KDM4B: variants seen among roughly 807,000 people sequenced by gnomAD.
The protein encoded by KDM4B is lysine demethylase 4B.
KDM4B carries 32 observed loss-of-function variants against 125.2 expected under a neutral mutation model. That is an observed-to-expected ratio of 0.26 (90% CI 0.19 to 0.34). KDM4B has a LOEUF of 0.34. Ranked by LOEUF, KDM4B falls within the 10% of genes least tolerant of loss-of-function variation. The probability of loss-of-function intolerance (pLI) is 1.00; values close to 1 mark genes in which losing one functional copy is unlikely to be tolerated. For missense variants in KDM4B, 1,190 were observed against 1,577.7 expected, an observed-to-expected ratio of 0.75 and a Z score of 4.16; for synonymous variants, 721 against 677.9, an observed-to-expected ratio of 1.06 and a Z score of -0.99.
intron 13 of KDM4B, 130 bp from the exon 14 acceptor site, chr19:5,133,753 A>G (rs1599252001): frequency 1.2e-6 from 1 of 843,386 alleles, no homozygotes; most frequent in South Asian, 1.7e-5. Flanking sequence ...AGGGGGAGCT[A>G]TGGGCCAGGG....
At chr19:4,972,434 A>G (rs1200134419) in intron 1 of KDM4B, among the ~76,000 whole-genome samples, 2 of 152,172 alleles carry the variant, frequency 1.3e-5, no homozygotes, top group African/African-American at 4.8e-5. Context: ...TTTATTACAC[A>G]GCAAGGCCCT....
chr19:5,006,732 C>G (rs906634146), intron 1 of KDM4B, among the ~76,000 whole-genome samples: 1 of 151,200 alleles, frequency 6.6e-6, no homozygotes, highest in African/African-American at 2.4e-5. Context: ...GAGATCATGC[C>G]GTTGCACTCC....
At chr19:5,117,715 C>G (rs1018424573) in intron 10 of KDM4B, among the ~76,000 whole-genome samples, 6 of 152,158 alleles carry the variant, frequency 3.9e-5, no homozygotes, top group African/African-American at 9.7e-5. Flanking sequence ...TGTCCCCCAT[C>G]CACCTCCTGC....
chr19:5,149,531 G>A (rs2039910197), intron 21 of KDM4B, among the ~76,000 whole-genome samples: 1 of 152,206 alleles, frequency 6.6e-6, no homozygotes, highest in Non-Finnish European at 1.5e-5. Context: ...TCCCCCTGGA[G>A]CAGAACGGCA....
At chr19:5,137,896 C>G in intron 17 of KDM4B, 66 bp from the exon 18 acceptor site, 1 of 1,392,578 alleles carries the variant, frequency 7.2e-7, no homozygotes, top group Non-Finnish European at 1.0e-6. Flanking sequence ...ACATCACGCC[C>G]AGCCCCTCTG....
intron 13 of KDM4B, among the ~76,000 whole-genome samples, chr19:5,133,296 C>T (rs1316622268): frequency 1.3e-5 from 2 of 152,230 alleles, no homozygotes; most frequent in Admixed American, 6.5e-5. Flanking sequence ...CGTCACGCAG[C>T]TCTTCCTGGG....
intron 6 of KDM4B, among the ~76,000 whole-genome samples, chr19:5,048,457 C>T (rs561421127): frequency 3.3e-5 from 5 of 152,320 alleles, no homozygotes; most frequent in East Asian, 1.9e-4. Flanking sequence ...CGCTAGGTGG[C>T]GCTCCCGCCC....
At chr19:5,084,967 A>G (rs1170462599) in intron 9 of KDM4B, among the ~76,000 whole-genome samples, 3 of 151,994 alleles carry the variant, frequency 2.0e-5, no homozygotes, top group South Asian at 2.1e-4. Context: ...CGGCCTCGAA[A>G]AGTGCTGGGA....
chr19:5,140,862 G>T (rs954703071), intron 18 of KDM4B: 1 of 152,244 alleles, frequency 6.6e-6, no homozygotes, highest in Non-Finnish European at 1.5e-5. Context: ...CTCTGCACAC[G>T]TGTCTCGTGG....
intron 6 of KDM4B, among the ~76,000 whole-genome samples, chr19:5,064,059 C>G (rs1033819720): frequency 6.6e-6 from 1 of 152,240 alleles, no homozygotes; most frequent in Non-Finnish European, 1.5e-5. Flanking sequence ...TGCGCCAGAG[C>G]CATCTTGCTG....
At chr19:4,995,982 AC>A (rs776995264) in intron 1 of KDM4B, among the ~76,000 whole-genome samples, 1 of 151,862 alleles carries the variant, frequency 6.6e-6, no homozygotes, top group Non-Finnish European at 1.5e-5. Context: ...ATGAGCACTT[AC>A]TTTTCTCTCT....
Position 5,031,599 on chromosome 19 carries a change from CTCAGCGCTGGGTA to C in KDM4B, c.-25-1261_-25-1249del, listed in dbSNP as rs201901777. Among the ~76,000 whole-genome samples the C allele has an allele frequency of 7.6e-3, 1,159 of 152,330 alleles. 5 individuals are homozygous for C. The highest frequency in any genetic ancestry group is 0.041 in the Middle Eastern group (12 of 294). On this transcript the variant is annotated intron_variant, in intron 2 of 22. Coordinates refer to ENST00000159111, the MANE Select transcript of KDM4B (RefSeq NM_015015.3). Reference sequence around the variant, plus strand: ...GCGGGGTGTGACGTCAGGGCTGGGGCTCAGCGCTGGGTATCAGCCCTGTGTGCTGCAGGCAGGG... The same window carrying C: ...GCGGGGTGTGACGTCAGGGCTGGGGCTCAGCCCTGTGTGCTGCAGGCAGGG...
chr19:5,014,345 C>T (rs1322082901), intron 1 of KDM4B, among the ~76,000 whole-genome samples: 4 of 152,154 alleles, frequency 2.6e-5, no homozygotes, highest in Non-Finnish European at 5.9e-5. Flanking sequence ...GGCACGATCT[C>T]GGCTCGCTGC....
At chr19:5,007,285 T>C (rs1418021374) in intron 1 of KDM4B, among the ~76,000 whole-genome samples, 9 of 152,238 alleles carry the variant, frequency 5.9e-5, no homozygotes, top group African/African-American at 1.9e-4. Flanking sequence ...ATTTTCGGCA[T>C]GGTTTTGGCC....
chr19:5,143,280 G>A (rs890975333), intron 18 of KDM4B, among the ~76,000 whole-genome samples: 5 of 150,750 alleles, frequency 3.3e-5, no homozygotes, highest in Admixed American at 6.6e-5. Flanking sequence ...CTATGATCGC[G>A]CCGTGTGCTC....
At chr19:5,028,316 C>T (rs2036345240) in intron 2 of KDM4B, among the ~76,000 whole-genome samples, 1 of 152,178 alleles carries the variant, frequency 6.6e-6, no homozygotes, top group Non-Finnish European at 1.5e-5. Flanking sequence ...CAGAGAAGCC[C>T]TGTAGCCTGG....
chr19:5,110,052 G>T (rs1568303171), intron 9 of KDM4B, among the ~76,000 whole-genome samples: 1 of 152,164 alleles, frequency 6.6e-6, no homozygotes, highest in African/African-American at 2.4e-5. Context: ...TGAACCTCAG[G>T]CCCCTCACTG....
chr19:5,151,531 G>C lies in KDM4B; in HGVS notation c.*20G>C. ...TTCTAGGACAGCTGGCCGCTCAGGCGACCCTCAGCCCGGCGGGGAGGCCAT... is the reference window on the plus strand; with the variant it reads ...TTCTAGGACAGCTGGCCGCTCAGGCCACCCTCAGCCCGGCGGGGAGGCCAT... On this transcript the variant is annotated 3_prime_UTR_variant, in exon 23 of 23. Coordinates refer to ENST00000159111, the MANE Select transcript of KDM4B (RefSeq NM_015015.3). The C allele has an allele frequency of 9.7e-6, 13 of 1,341,810 alleles. No homozygotes were observed. Among genetic ancestry groups the C allele is most frequent in the Non-Finnish European group, 1.2e-5 (12 of 1,041,918 alleles). The allele number at this position is 1,341,810 out of a possible 1,614,324, so 83.1% of individuals were successfully genotyped here.
chr19:5,057,461 T>G (rs764074453), intron 6 of KDM4B, among the ~76,000 whole-genome samples: 7 of 152,242 alleles, frequency 4.6e-5, no homozygotes, highest in Non-Finnish European at 7.3e-5. Context: ...TTGGGCTGTT[T>G]CCAGCATGAG....
Sources: gnomAD v4.1 joint callset for allele counts (sites outside exome capture counted in the v4.1 genomes callset) on GRCh38, gnomAD v4.1.1 for gene constraint, MANE v1.5 for transcripts, NCBI Gene and HGNC (gene_info 2026-07-23, HGNC 2026-07-21) for gene names.